The following GPC5 variants were observed in gnomAD, a reference collection of about 807,000 sequenced individuals.
GPC5 encodes the protein glypican 5.
Under a neutral mutation model 53.9 loss-of-function variants are expected in GPC5, and 47 were observed. That is an observed-to-expected ratio of 0.87 (90% CI 0.69 to 1.11). The LOEUF (loss-of-function observed/expected upper bound fraction) is 1.11, where lower values mean the gene tolerates loss of function less well. Ranked by LOEUF, GPC5 falls within the 50% of genes most tolerant of loss-of-function variation. The probability of loss-of-function intolerance (pLI) is 0.00; values close to 1 mark genes in which losing one functional copy is unlikely to be tolerated. For synonymous variants in GPC5, 286 were observed against 263.3 expected (o/e 1.09, Z -0.84); for missense variants, 748 against 713.1 (o/e 1.05, Z -0.56).
intron 7 of GPC5, among the ~76,000 whole-genome samples, chr13:92,854,285 AT>A (rs200300857): frequency 0.017 from 2,435 of 147,478 alleles, 74 homozygotes; most frequent in African/African-American, 0.057. Context: ...TCCTATATAT[AT>A]ATAGAAAAAT....
chr13:92,003,893 G>A (rs532942697), intron 6 of GPC5, among the ~76,000 whole-genome samples: 8 of 152,238 alleles, frequency 5.3e-5, no homozygotes, highest in Middle Eastern at 3.4e-3. Flanking sequence ...AATCTGATCT[G>A]TGAGAAGATT....
intron 5 of GPC5, among the ~76,000 whole-genome samples, chr13:91,805,836 A>G (rs1215991598): frequency 5.3e-5 from 8 of 152,128 alleles, no homozygotes; most frequent in Non-Finnish European, 5.9e-5. Flanking sequence ...AGAGGCTTCT[A>G]AGAATATCTC....
chr13:92,765,364 C>T (rs1307326737), intron 7 of GPC5, among the ~76,000 whole-genome samples: 1 of 152,164 alleles, frequency 6.6e-6, no homozygotes, highest in Non-Finnish European at 1.5e-5. Context: ...CATCATTCTA[C>T]AGACAAATAG....
chr13:92,188,172 T>C (rs2042197802), intron 7 of GPC5, among the ~76,000 whole-genome samples: 1 of 152,176 alleles, frequency 6.6e-6, no homozygotes, highest in Non-Finnish European at 1.5e-5. Flanking sequence ...GCATATGTAA[T>C]ATTTAAACAC....
intron 6 of GPC5, among the ~76,000 whole-genome samples, chr13:92,120,805 TTATGGTGTCCAGCTC>T (rs1263701794): frequency 6.6e-6 from 1 of 152,352 alleles, no homozygotes; most frequent in Non-Finnish European, 1.5e-5. Context: ...GTCCTTTCCC[TTATGGTGTCCAGCTC>T]TATGCAGCTC....
chr13:91,892,860 A>G (rs2039402071), intron 5 of GPC5, among the ~76,000 whole-genome samples: 1 of 151,990 alleles, frequency 6.6e-6, no homozygotes, highest in African/African-American at 2.4e-5. Flanking sequence ...TTAAACAAAA[A>G]GTTTATTCAC....
intron 6 of GPC5, among the ~76,000 whole-genome samples, chr13:92,005,665 T>C (rs1566389843): frequency 6.6e-6 from 1 of 152,178 alleles, no homozygotes; most frequent in Non-Finnish European, 1.5e-5. Context: ...GACTATAAGC[T>C]CCAAGAAAGC....
chr13:92,671,809 T>C (rs1460601405), intron 7 of GPC5, among the ~76,000 whole-genome samples: 4 of 152,194 alleles, frequency 2.6e-5, no homozygotes, highest in African/African-American at 4.8e-5. Context: ...TGCTTTGTCC[T>C]GTAGACGATT....
At chr13:91,618,968 A>G (rs2033776979) in intron 2 of GPC5, among the ~76,000 whole-genome samples, 1 of 152,126 alleles carries the variant, frequency 6.6e-6, no homozygotes, top group African/African-American at 2.4e-5. Context: ...TTATACTACT[A>G]CTATAGCACT....
chr13:91,693,350 A>C lies in GPC5; in HGVS notation c.489A>C (p.Val163=). ...CGGATGTTAATCCTGAAGAATTTGT[A>C]AACAGATTTTTTGACAGTCTTTTTC... The part of the protein sequence containing the change: ...FGADVNPEEF[V]NRFFDSLFPL... Residue 163 remains valine (V), a synonymous_variant, in exon 3 of 8, where the codon GTA becomes GTC. Transcript: ENST00000377067. 6.2e-7 allele frequency: 1 copy of C among 1,614,080 alleles called. No homozygotes were observed. The highest frequency in any genetic ancestry group is 8.5e-7 in the Non-Finnish European group (1 of 1,180,004).
chr13:91,713,521 G>A (rs2139920212), intron 3 of GPC5, among the ~76,000 whole-genome samples: 1 of 152,150 alleles, frequency 6.6e-6, no homozygotes, highest in East Asian at 1.9e-4. Flanking sequence ...GATATAAAAA[G>A]TAGTTTATTC....
At chr13:92,681,836 T>C (rs768742256) in intron 7 of GPC5, among the ~76,000 whole-genome samples, 8 of 152,238 alleles carry the variant, frequency 5.3e-5, no homozygotes, top group Non-Finnish European at 1.2e-4. Context: ...AAAATTTGAC[T>C]ATTCCTTTGT....
chr13:91,575,341 C>T (rs374674012), intron 2 of GPC5, among the ~76,000 whole-genome samples: 67 of 152,152 alleles, frequency 4.4e-4, no homozygotes, highest in African/African-American at 1.6e-3. Context: ...GTTAACCCCA[C>T]GTGAGTCAGA....
At chr13:92,623,916 G>A (rs1355898574) in intron 7 of GPC5, among the ~76,000 whole-genome samples, 12 of 150,894 alleles carry the variant, frequency 8.0e-5, no homozygotes, top group South Asian at 4.2e-4. Context: ...GTGCAGTGGC[G>A]CGATCTCGAC....
At chr13:92,010,060 A>T (rs2040646768) in intron 6 of GPC5, among the ~76,000 whole-genome samples, 1 of 152,228 alleles carries the variant, frequency 6.6e-6, no homozygotes, top group Admixed American at 6.5e-5. Flanking sequence ...TATAAGGATA[A>T]TATAAGCTTG....
chr13:91,533,934 G>C (rs927007854), intron 2 of GPC5, among the ~76,000 whole-genome samples: 2 of 152,104 alleles, frequency 1.3e-5, no homozygotes, highest in Non-Finnish European at 2.9e-5. Flanking sequence ...AAATATTCTT[G>C]GTGCTTTATT....
At chr13:92,557,109 A>AT (rs542881643) in intron 7 of GPC5, among the ~76,000 whole-genome samples, 151 of 151,392 alleles carry the variant, frequency 1.0e-3, no homozygotes, top group Middle Eastern at 3.4e-3. Context: ...GAAAAAAAAA[A>AT]GGGACGGGGG....
chr13:91,398,948 G>T lies in GPC5; in HGVS notation c.-99G>T, dbSNP rs1363294272. On this transcript the variant is annotated 5_prime_UTR_variant, in exon 1 of 8. Transcript: ENST00000377067. ...ACCCCGCAGCCGGCTCGCACCGCTC[G>T]AGAGCCTCGGCCGCTGTGTCTTCCA... is the stretch of plus-strand genomic sequence containing the variant. 1.4e-6 allele frequency: 2 copies of T among 1,435,900 alleles called. No individual in the cohort carries two copies. Among genetic ancestry groups the T allele is most frequent in the Non-Finnish European group, 9.2e-7 (1 of 1,083,326 alleles). 88.9% of individuals were successfully genotyped at this position (1,435,900 alleles called of 1,614,324 possible).
intron 7 of GPC5, among the ~76,000 whole-genome samples, chr13:92,497,223 T>A (rs1439525557): frequency 1.3e-5 from 2 of 152,104 alleles, no homozygotes; most frequent in Non-Finnish European, 2.9e-5. Context: ...TCTTCTAGGG[T>A]TTTTATGGCT....
Sources: gnomAD v4.1 joint callset for allele counts (sites outside exome capture counted in the v4.1 genomes callset) on GRCh38, gnomAD v4.1.1 for gene constraint, MANE v1.5 for transcripts, NCBI Gene and HGNC (gene_info 2026-07-23, HGNC 2026-07-21) for gene names.